CPNE4: variants seen among roughly 807,000 people sequenced by gnomAD.
CPNE4 encodes the protein copine 4, also known as copine-4.
CPNE4 carries 25 observed loss-of-function variants against 67.9 expected under a neutral mutation model. The observed-to-expected ratio is 0.37, with a 90% CI of 0.27 to 0.51. The LOEUF (loss-of-function observed/expected upper bound fraction) is 0.51, where lower values mean the gene tolerates loss of function less well. Among genes scored for constraint, CPNE4 ranks in the 20% least tolerant of loss-of-function variants. CPNE4 has a pLI of 0.93. For synonymous variants in CPNE4, 242 were observed against 244.9 expected, an observed-to-expected ratio of 0.99 and a Z score of 0.11; for missense variants, 464 against 690.8, an observed-to-expected ratio of 0.67 and a Z score of 3.68.
intron 5 of CPNE4, among the ~76,000 whole-genome samples, chr3:131,694,000 G>C (rs1466263196): frequency 6.6e-6 from 1 of 152,100 alleles, no homozygotes; most frequent in Non-Finnish European, 1.5e-5. Flanking sequence ...AAGGCAGTTG[G>C]ATTAGACAGT....
chr3:131,885,265 C>T (rs9855089), intron 2 of CPNE4, among the ~76,000 whole-genome samples: 30,932 of 151,500 alleles, frequency 0.2, 3,858 homozygotes, highest in Non-Finnish European at 0.27. Context: ...GGCATTTTGC[C>T]CTTGTCCTAA....
intron 2 of CPNE4, among the ~76,000 whole-genome samples, chr3:131,730,092 T>C (rs1396701333): frequency 6.6e-6 from 1 of 152,232 alleles, no homozygotes; most frequent in Non-Finnish European, 1.5e-5. Flanking sequence ...CATTGTTTAA[T>C]TGGAATATAT....
At chr3:131,737,273 G>A (rs570284450) in intron 2 of CPNE4, among the ~76,000 whole-genome samples, 1 of 151,546 alleles carries the variant, frequency 6.6e-6, no homozygotes, top group South Asian at 2.1e-4. Flanking sequence ...ACAGGCACTC[G>A]CTACCACACC....
At chr3:131,867,944 TA>T (rs1260655079) in intron 2 of CPNE4, among the ~76,000 whole-genome samples, 1 of 152,194 alleles carries the variant, frequency 6.6e-6, no homozygotes, top group Non-Finnish European at 1.5e-5. Context: ...ACACTTTACC[TA>T]ATAATTGCTG....
intron 7 of CPNE4, among the ~76,000 whole-genome samples, chr3:131,602,870 C>CT (rs1189639794): frequency 1.3e-5 from 2 of 152,092 alleles, no homozygotes. Context: ...ATTCAGGAAA[C>CT]TTTATTATGT....
At chr3:131,698,064 T>C (rs973678743) in intron 4 of CPNE4, among the ~76,000 whole-genome samples, 2 of 150,752 alleles carry the variant, frequency 1.3e-5, no homozygotes, top group Non-Finnish European at 3.0e-5. Context: ...ACCCCATCTG[T>C]ACTAAAAAAA....
At chr3:131,757,762 A>T (rs924982446) in intron 2 of CPNE4, among the ~76,000 whole-genome samples, 18 of 152,194 alleles carry the variant, frequency 1.2e-4, no homozygotes, top group African/African-American at 4.3e-4. Context: ...AAGTGGTTTC[A>T]TGGGCTGAGC....
At chr3:131,863,395 G>A (rs1286518986) in intron 2 of CPNE4, among the ~76,000 whole-genome samples, 14 of 152,170 alleles carry the variant, frequency 9.2e-5, no homozygotes, top group East Asian at 5.8e-4. Flanking sequence ...TTTAATGATC[G>A]CCATTCTAAC....
At chr3:131,831,107 A>G (rs1315279996) in intron 2 of CPNE4, among the ~76,000 whole-genome samples, 2 of 152,068 alleles carry the variant, frequency 1.3e-5, no homozygotes, top group Non-Finnish European at 1.5e-5. Context: ...TTCATCTAGT[A>G]TATAACATTG....
intron 3 of CPNE4, among the ~76,000 whole-genome samples, chr3:131,716,295 T>A (rs530501675): frequency 1.5e-4 from 23 of 152,108 alleles, no homozygotes; most frequent in Admixed American, 3.9e-4. Flanking sequence ...GGGAAGTCAC[T>A]TTATCTTTCC....
intron 11 of CPNE4, 55 bp downstream of exon 11, chr3:131,564,161 C>G (rs887882207): frequency 5.0e-6 from 8 of 1,605,642 alleles, no homozygotes; most frequent in Non-Finnish European, 6.8e-6. Context: ...CAGCCAAAGA[C>G]CGTCTGAACC....
At chr3:131,575,931 T>G (rs1937538143) in intron 9 of CPNE4, among the ~76,000 whole-genome samples, 1 of 152,158 alleles carries the variant, frequency 6.6e-6, no homozygotes, top group African/African-American at 2.4e-5. Context: ...TTTACATTTC[T>G]TTGTGATTTT....
At chr3:131,798,422 A>G (rs924219565) in intron 2 of CPNE4, among the ~76,000 whole-genome samples, 3 of 152,160 alleles carry the variant, frequency 2.0e-5, no homozygotes, top group African/African-American at 4.8e-5. Context: ...TAAATAGGAT[A>G]TTGTTTCTAC....
At chr3:131,715,643 C>A (rs1185802404) in intron 3 of CPNE4, among the ~76,000 whole-genome samples, 1 of 152,144 alleles carries the variant, frequency 6.6e-6, no homozygotes, top group Non-Finnish European at 1.5e-5. Context: ...TCACCCAGTG[C>A]CTACTAAATA....
intron 2 of CPNE4, among the ~76,000 whole-genome samples, chr3:131,881,950 AT>A (rs1301212267): frequency 6.6e-6 from 1 of 152,054 alleles, no homozygotes; most frequent in Non-Finnish European, 1.5e-5. Flanking sequence ...CTGTCACAAT[AT>A]TTTTCTTCCT....
chr3:131,997,992 C>T (rs947977006), intron 1 of CPNE4, among the ~76,000 whole-genome samples: 3 of 152,154 alleles, frequency 2.0e-5, no homozygotes, highest in Non-Finnish European at 4.4e-5. Flanking sequence ...ATCACCTCTT[C>T]TTAGGCCCCA....
At chr3:131,910,069 G>T (rs2088920788) in intron 1 of CPNE4, among the ~76,000 whole-genome samples, 1 of 152,030 alleles carries the variant, frequency 6.6e-6, no homozygotes, top group East Asian at 1.9e-4. Context: ...AAAAACATTT[G>T]TGATCATATG....
At chr3:131,768,672 T>A (rs2083085618) in intron 2 of CPNE4, among the ~76,000 whole-genome samples, 1 of 152,096 alleles carries the variant, frequency 6.6e-6, no homozygotes, top group East Asian at 1.9e-4. Flanking sequence ...TTTGAAAAAA[T>A]TGAATTTATT....
chr3:131,866,051 A>T (rs2086936823), intron 2 of CPNE4, among the ~76,000 whole-genome samples: 1 of 152,218 alleles, frequency 6.6e-6, no homozygotes, highest in South Asian at 2.1e-4. Flanking sequence ...GGCTCTCTGG[A>T]GCTGAGGTAA....
Sources: allele counts gnomAD v4.1 joint callset (sites outside exome capture counted in the v4.1 genomes callset), GRCh38; gene constraint gnomAD v4.1.1; transcripts MANE v1.5; gene names NCBI Gene and HGNC (gene_info 2026-07-23, HGNC 2026-07-21).